Variants in OR3A2 observed in about 807,000 individuals in gnomAD.
The protein encoded by OR3A2 is olfactory receptor 3A2.
For synonymous variants in OR3A2, 126 were observed against 159.3 expected, an observed-to-expected ratio of 0.79 and a Z score of 1.57; for missense variants, 318 against 392.8, an observed-to-expected ratio of 0.81 and a Z score of 1.61.
rs188031206 is a variant in OR3A2, at chr17:3,337,860, A to C, written c.-178-1734T>G. On this transcript the variant is annotated intron_variant, in intron 2 of 4. Coordinates refer to the OR3A2 transcript ENST00000573491. ...TTGAGGAATCGCCATACTGTCTTCC[A>C]CAATGGTTGAACTAGTTTACAGTCC... 1.4e-4 allele frequency among the ~76,000 whole-genome samples: 21 copies of C among 152,340 alleles called. No homozygotes were observed. In the East Asian group the frequency reaches 4.0e-3, roughly 29 times the overall value.
exon 2 of OR3A2, chr17:3,277,861 C>T: frequency 3.4e-6 from 4 of 1,163,342 alleles, no homozygotes; most frequent in Non-Finnish European, 4.9e-6. Context: ...GATCTTCAAG[C>T]ATCAGGAGAT....
intron 3 of OR3A2, among the ~76,000 whole-genome samples, chr17:3,314,106 A>C (rs1009434815): frequency 3.3e-5 from 5 of 152,240 alleles, no homozygotes; most frequent in African/African-American, 4.8e-5. Flanking sequence ...CATGAAATGC[A>C]ATATCATTTC....
chr17:3,322,700 T>C (rs9748118), intron 3 of OR3A2, among the ~76,000 whole-genome samples: 22,915 of 151,996 alleles, frequency 0.15, 2,284 homozygotes, highest in African/African-American at 0.28. Context: ...GTTTCTTAAT[T>C]CTGAGTTCTA....
chr17:3,355,148 G>C (rs1044845253), intron 2 of OR3A2, among the ~76,000 whole-genome samples: 8 of 151,232 alleles, frequency 5.3e-5, no homozygotes, highest in Non-Finnish European at 1.0e-4. Context: ...TTATTCCATT[G>C]TGGTCAGAGA....
At chr17:3,324,415 T>A (rs2049152987) in intron 3 of OR3A2, among the ~76,000 whole-genome samples, 1 of 152,100 alleles carries the variant, frequency 6.6e-6, no homozygotes, top group Non-Finnish European at 1.5e-5. Context: ...ACTGCATTCC[T>A]TTGGAGGAGG....
intron 3 of OR3A2, among the ~76,000 whole-genome samples, chr17:3,325,709 C>G (rs2150638394): frequency 6.6e-6 from 1 of 152,074 alleles, no homozygotes; most frequent in African/African-American, 2.4e-5. Flanking sequence ...CACATCTCAG[C>G]CTTTTGGTTA....
In OR3A2 at chr17:3,347,590, C is replaced by T. The variant is rs192466579; in HGVS notation, c.-178-11464G>A. Among the ~76,000 whole-genome samples, 795 of 152,334 alleles carry T rather than the reference C, an allele frequency of 5.2e-3. 19 individuals carry two copies. The highest frequency in any genetic ancestry group is 0.027 in the East Asian group (140 of 5,190). On this transcript the variant is annotated intron_variant, in intron 2 of 4. Transcript: ENST00000573491. ...GACATGAACTCATCATTTTTTAAGGCTGCATAGTATTCCATGGTGTATATC... is the reference window on the plus strand; with the variant it reads ...GACATGAACTCATCATTTTTTAAGGTTGCATAGTATTCCATGGTGTATATC...
At chr17:3,369,495 A>G (rs752196777) in intron 2 of OR3A2, among the ~76,000 whole-genome samples, 19 of 152,218 alleles carry the variant, frequency 1.2e-4, no homozygotes, top group Non-Finnish European at 2.4e-4. Context: ...TGAGATGATC[A>G]TAAGATTTGT....
intron 3 of OR3A2, chr17:3,292,692 G>A (rs762863687): frequency 4.3e-5 from 40 of 919,650 alleles, no homozygotes; most frequent in Middle Eastern, 3.4e-4. Flanking sequence ...CCTCTGCCAC[G>A]TTCCCTCTGT....
chr17:3,371,752 C>T (rs1214977159), intron 2 of OR3A2, among the ~76,000 whole-genome samples: 2 of 142,780 alleles, frequency 1.4e-5, no homozygotes, highest in Non-Finnish European at 3.1e-5. Flanking sequence ...AGGGACTCCT[C>T]ACTTCCCAGT....
Position 3,314,071 on chromosome 17 carries a change from A to G in OR3A2, c.-85+21962T>C, listed in dbSNP as rs114062439. ...AGACAATCATTGAATTTGACATAAC[A>G]GGGAAAAGGCTTCCTAACTTTGTGC... On this transcript the variant is annotated intron_variant, in intron 3 of 4. Coordinates refer to the OR3A2 transcript ENST00000573491. Among the ~76,000 whole-genome samples the G allele has an allele frequency of 5.2e-3, 790 of 152,370 alleles. 8 individuals are homozygous for G. The highest frequency in any genetic ancestry group is 0.018 in the African/African-American group (758 of 41,592).
Position 3,279,661 on chromosome 17 carries a change from A to C in OR3A2, c.-6-738T>G, listed in dbSNP as rs533194355. The stretch of plus-strand genomic sequence containing the variant: ...AAATTAGCTTCGTGTGGTGGGGGGC[A>C]CTTGTAATCCTAGCTACTCAGTAGG... On this transcript the variant is annotated intron_variant, in intron 1 of 1. Coordinates refer to ENST00000642052, the Ensembl canonical transcript of OR3A2. Among the ~76,000 whole-genome samples the C allele has an allele frequency of 1.2e-3, 180 of 152,236 alleles. 2 individuals are homozygous for C. The highest frequency in any genetic ancestry group is 4.0e-3 in the African/African-American group (167 of 41,548).
At chr17:3,359,015 C>T (rs920975367) in intron 2 of OR3A2, among the ~76,000 whole-genome samples, 4 of 151,888 alleles carry the variant, frequency 2.6e-5, no homozygotes, top group African/African-American at 9.7e-5. Context: ...TTGAATTGAA[C>T]CCTTTACCAT....
intron 2 of OR3A2, among the ~76,000 whole-genome samples, chr17:3,347,417 CCA>C (rs1567563097): frequency 1.3e-5 from 2 of 152,090 alleles, no homozygotes; most frequent in African/African-American, 2.4e-5. Flanking sequence ...ACAACAGTCC[CCA>C]GAGTGTGATG....
At chr17:3,321,849 GTT>G (rs2049125518) in intron 3 of OR3A2, among the ~76,000 whole-genome samples, 1 of 152,032 alleles carries the variant, frequency 6.6e-6, no homozygotes. Context: ...ATCTTTTGTG[GTT>G]GTGTCTCTGC....
chr17:3,304,384 G>A (rs976304402), intron 3 of OR3A2, among the ~76,000 whole-genome samples: 7 of 152,172 alleles, frequency 4.6e-5, no homozygotes, highest in African/African-American at 1.7e-4. Flanking sequence ...CCTGAACTCT[G>A]TCTCCTCAAT....
intron 3 of OR3A2, chr17:3,309,855 G>A (rs2040547): frequency 0.076 from 12,897 of 169,328 alleles, 1,193 homozygotes; most frequent in East Asian, 0.49. Flanking sequence ...ACGTGTATGC[G>A]GGGGGTGCAG....
At chr17:3,285,741 TC>T (rs2048804937), upstream of OR3A2, among the ~76,000 whole-genome samples, 2 of 152,168 alleles carry the variant, frequency 1.3e-5, no homozygotes, top group Admixed American at 1.3e-4. Context: ...TGAGCCGTGA[TC>T]GCACCACTGC....
At chr17:3,294,963 T>G (rs564808443) in intron 3 of OR3A2, among the ~76,000 whole-genome samples, 1 of 152,188 alleles carries the variant, frequency 6.6e-6, no homozygotes, top group Admixed American at 6.5e-5. Flanking sequence ...TTGTTTGTTT[T>G]TTTTAACAGA....
Sources: gnomAD v4.1 joint callset for allele counts (sites outside exome capture counted in the v4.1 genomes callset) on GRCh38, gnomAD v4.1.1 for gene constraint, MANE v1.5 for transcripts, NCBI Gene and HGNC (gene_info 2026-07-23, HGNC 2026-07-21) for gene names.